Variants in KLF12 observed in about 807,000 individuals in gnomAD.
KLF12 encodes the protein KLF transcription factor 12.
A neutral mutation model predicts 37.8 loss-of-function variants in KLF12; 9 were observed. The ratio of observed to expected loss-of-function variants is 0.24; its 90% CI spans 0.14 to 0.42. The LOEUF (loss-of-function observed/expected upper bound fraction) is 0.42, where lower values mean the gene tolerates loss of function less well. KLF12 is among the 10% of genes least tolerant of loss of function. The pLI, the probability that KLF12 is intolerant of heterozygous loss-of-function variation, is 1.00. For synonymous variants in KLF12, 208 were observed against 202.1 expected (o/e 1.03, Z -0.25); for missense variants, 411 against 516.0 (o/e 0.80, Z 1.97).
rs138353233 is a variant in KLF12 at position 73,966,386 on chromosome 13, G to A, written c.34-22316C>T. Among the ~76,000 whole-genome samples, 150 of 151,180 alleles carry A rather than the reference G, an allele frequency of 9.9e-4. 3 individuals carry two copies. In the East Asian group the frequency reaches 0.026, roughly 26 times the overall value. Reference sequence around the variant, plus strand: ...ATAGTTTTGATAAAGAGAACTAAAAGAAAAAAAAGTAAAAGTTTAGAGAAA... The same window carrying A: ...ATAGTTTTGATAAAGAGAACTAAAAAAAAAAAAAGTAAAAGTTTAGAGAAA... On this transcript the variant is annotated intron_variant, in intron 2 of 7. Coordinates refer to ENST00000377669, the MANE Select transcript of KLF12 (RefSeq NM_007249.5).
At chr13:73,768,407 A>G (rs551505183) in intron 5 of KLF12, among the ~76,000 whole-genome samples, 25 of 152,186 alleles carry the variant, frequency 1.6e-4, no homozygotes, top group Non-Finnish European at 3.1e-4. Context: ...TAAGATTACA[A>G]ATATGCTCTA....
chr13:74,146,760 A>G, the KLF12 span, among the ~76,000 whole-genome samples: 824 of 152,296 alleles, frequency 5.4e-3, 2 homozygotes, highest in African/African-American at 0.018. Context: ...TTCTCATTTA[A>G]CCCTCATGAT....
chr13:73,892,980 T>C (rs544542142), intron 3 of KLF12, among the ~76,000 whole-genome samples: 2 of 151,918 alleles, frequency 1.3e-5, no homozygotes, highest in African/African-American at 4.8e-5. Context: ...GAAATGTAAA[T>C]GTGTTCAGAT....
At chr13:74,019,674 G>GA (rs1488506437) in intron 1 of KLF12, among the ~76,000 whole-genome samples, 2 of 152,130 alleles carry the variant, frequency 1.3e-5, no homozygotes. Context: ...TTTTCTTGTG[G>GA]AAAATGCTCC....
chr13:73,917,126 T>C (rs1888885244), intron 3 of KLF12, among the ~76,000 whole-genome samples: 2 of 152,224 alleles, frequency 1.3e-5, no homozygotes, highest in South Asian at 2.1e-4. Context: ...GCATGGATTA[T>C]ATACCAAGTG....
At chr13:74,211,668 A>G in the KLF12 span, among the ~76,000 whole-genome samples, 1 of 152,194 alleles carries the variant, frequency 6.6e-6, no homozygotes, top group African/African-American at 2.4e-5. Context: ...ACATTTATTA[A>G]GGGTATTTAG....
chr13:73,715,339 C>T (rs1229966879), intron 7 of KLF12, 29 bp downstream of exon 7: 3 of 1,598,282 alleles, frequency 1.9e-6, no homozygotes, highest in African/African-American at 2.7e-5. Context: ...CTCACTGGCT[C>T]ACAGGTGAGA....
intron 1 of KLF12, among the ~76,000 whole-genome samples, chr13:74,030,322 T>C (rs1893082027): frequency 6.6e-6 from 1 of 152,092 alleles, no homozygotes; most frequent in African/African-American, 2.4e-5. Flanking sequence ...AAGAAGCTGT[T>C]AGAGAAGAGC....
chr13:74,208,605 T>A, the KLF12 span, among the ~76,000 whole-genome samples: 1 of 152,108 alleles, frequency 6.6e-6, no homozygotes, highest in African/African-American at 2.4e-5. Context: ...CCTATCAAAA[T>A]CAGTCATCAG....
At chr13:73,789,382 A>G (rs1335175267) in intron 5 of KLF12, among the ~76,000 whole-genome samples, 2 of 152,184 alleles carry the variant, frequency 1.3e-5, no homozygotes, top group Non-Finnish European at 2.9e-5. Flanking sequence ...GTTGGGTGTC[A>G]CAGTAGCGCT....
the KLF12 span, among the ~76,000 whole-genome samples, chr13:74,251,684 TCA>T: frequency 6.6e-6 from 1 of 152,124 alleles, no homozygotes; most frequent in Non-Finnish European, 1.5e-5. Flanking sequence ...TGACTGGCGT[TCA>T]GAGATAGGTT....
At chr13:74,061,003 C>T (rs189692622) in intron 1 of KLF12, among the ~76,000 whole-genome samples, 15 of 152,274 alleles carry the variant, frequency 9.9e-5, no homozygotes, top group Admixed American at 3.3e-4. Flanking sequence ...AGACCTTGGT[C>T]CCTGGGTTAC....
chr13:73,880,274 C>T (rs961291303), intron 3 of KLF12, among the ~76,000 whole-genome samples: 1 of 152,210 alleles, frequency 6.6e-6, no homozygotes, highest in African/African-American at 2.4e-5. Context: ...CTGGACTTCA[C>T]TTTTCCTCTC....
At chr13:73,936,158 C>G (rs1889914229) in intron 3 of KLF12, among the ~76,000 whole-genome samples, 1 of 152,176 alleles carries the variant, frequency 6.6e-6, no homozygotes, top group Non-Finnish European at 1.5e-5. Context: ...CTTTGTACAT[C>G]TGGTAATTTT....
chr13:73,790,913 T>C (rs1171184731), intron 5 of KLF12, among the ~76,000 whole-genome samples: 1 of 152,190 alleles, frequency 6.6e-6, no homozygotes, highest in Admixed American at 6.5e-5. Context: ...CTCTCTTCCA[T>C]GAAAGTCTCC....
chr13:74,123,616 G>C (rs1259900892), intron 1 of KLF12, among the ~76,000 whole-genome samples: 1 of 152,168 alleles, frequency 6.6e-6, no homozygotes, highest in African/African-American at 2.4e-5. Context: ...CAGGGTCAAC[G>C]GGTTGATCTC....
intron 1 of KLF12, among the ~76,000 whole-genome samples, chr13:74,073,240 TC>T (rs1874379460): frequency 6.6e-6 from 1 of 152,220 alleles, no homozygotes; most frequent in Non-Finnish European, 1.5e-5. Context: ...AATACAGCCA[TC>T]TATTTGACTG....
intron 6 of KLF12, among the ~76,000 whole-genome samples, chr13:73,727,274 CAT>C (rs1876733097): frequency 1.3e-5 from 2 of 152,184 alleles, no homozygotes; most frequent in South Asian, 2.1e-4. Flanking sequence ...CTTGGACTAA[CAT>C]AAAGTCTCAA....
chr13:73,816,271 T>C (rs573468400), intron 4 of KLF12, among the ~76,000 whole-genome samples: 35 of 152,328 alleles, frequency 2.3e-4, no homozygotes, highest in African/African-American at 7.7e-4. Context: ...TTCTCTGGCA[T>C]GCCCATTTAA....
Sources: allele counts gnomAD v4.1 joint callset (sites outside exome capture counted in the v4.1 genomes callset), GRCh38; gene constraint gnomAD v4.1.1; transcripts MANE v1.5; gene names NCBI Gene and HGNC (gene_info 2026-07-23, HGNC 2026-07-21).